Variants in NTAQ1 observed in about 807,000 individuals in gnomAD.
The protein encoded by NTAQ1 is N-terminal glutamine amidase 1.
In NTAQ1, 21 loss-of-function variants were observed where a neutral mutation model predicts 28.2. The ratio of observed to expected loss-of-function variants is 0.74; its 90% CI spans 0.53 to 1.07. The LOEUF (loss-of-function observed/expected upper bound fraction) is 1.07. Ranked by LOEUF, NTAQ1 falls within the 50% of genes least tolerant of loss-of-function variation. NTAQ1 has a pLI of 0.00. For missense variants in NTAQ1, 264 were observed against 256.6 expected (o/e 1.03, Z -0.20); for synonymous variants, 105 against 90.0 (o/e 1.17, Z -0.94).
At chr8:123,450,719 A>G (rs926130207), downstream of NTAQ1, among the ~76,000 whole-genome samples, 1 of 152,048 alleles carries the variant, frequency 6.6e-6, no homozygotes, top group African/African-American at 2.4e-5. Flanking sequence ...TTTCAGGGAT[A>G]TTTCATCCAG....
At chr8:123,461,038 T>C (rs997856953) in intron 6 of NTAQ1, among the ~76,000 whole-genome samples, 1 of 152,202 alleles carries the variant, frequency 6.6e-6, no homozygotes, top group Admixed American at 6.5e-5. Flanking sequence ...TGTCAATCCC[T>C]GCTTTCCATA....
At chr8:123,451,221 T>C (rs1563902685), downstream of NTAQ1, among the ~76,000 whole-genome samples, 1 of 152,244 alleles carries the variant, frequency 6.6e-6, no homozygotes, top group Non-Finnish European at 1.5e-5. Flanking sequence ...CTGGTAATTC[T>C]TCCCTGGTGA....
chr8:123,465,534 C>T (rs1022301053), intron 6 of NTAQ1, among the ~76,000 whole-genome samples: 1 of 145,034 alleles, frequency 6.9e-6, no homozygotes, highest in Non-Finnish European at 1.5e-5. Flanking sequence ...TTGTATAGTA[C>T]GTACCCTTTT....
intron 6 of NTAQ1, among the ~76,000 whole-genome samples, chr8:123,457,446 T>G (rs1447082158): frequency 2.0e-5 from 3 of 152,246 alleles, no homozygotes; most frequent in Non-Finnish European, 2.9e-5. Flanking sequence ...TTGCAGTTTT[T>G]GCCTTTACTT....
chr8:123,421,174 GGTGT>G (rs1813666285), intron 1 of NTAQ1, among the ~76,000 whole-genome samples: 4 of 151,846 alleles, frequency 2.6e-5, no homozygotes, highest in Admixed American at 2.0e-4. Flanking sequence ...GCCTCGACCT[GGTGT>G]CAATCAATTC....
chr8:123,417,593 A>G (rs1349192929), intron 1 of NTAQ1, among the ~76,000 whole-genome samples: 4 of 152,096 alleles, frequency 2.6e-5, no homozygotes, highest in Non-Finnish European at 5.9e-5. Context: ...CAGCTGAAGT[A>G]CCGCCCTTGC....
At chr8:123,456,952 TAAC>T (rs1182624677) in intron 6 of NTAQ1, among the ~76,000 whole-genome samples, 3 of 152,176 alleles carry the variant, frequency 2.0e-5, no homozygotes, top group Non-Finnish European at 4.4e-5. Flanking sequence ...GCTGTGGGCA[TAAC>T]AACAGGAAGT....
chr8:123,437,622 G>A (rs545008100), intron 5 of NTAQ1, among the ~76,000 whole-genome samples: 39 of 151,364 alleles, frequency 2.6e-4, no homozygotes, highest in Non-Finnish European at 4.7e-4. Flanking sequence ...AGAATGGTGC[G>A]AACCTGGGAG....
intron 6 of NTAQ1, among the ~76,000 whole-genome samples, chr8:123,460,181 C>A (rs905916668): frequency 1.3e-5 from 2 of 152,104 alleles, no homozygotes; most frequent in African/African-American, 4.8e-5. Flanking sequence ...TTGAGAGAAC[C>A]CCTAATGACA....
chr8:123,446,177 T>G (rs957669218), downstream of NTAQ1, among the ~76,000 whole-genome samples: 38 of 151,494 alleles, frequency 2.5e-4, 1 homozygote, highest in African/African-American at 9.0e-4. Flanking sequence ...GTGTGTGTGT[T>G]TTTATTATAG....
At chr8:123,448,422 G>A (rs1815366233), downstream of NTAQ1, among the ~76,000 whole-genome samples, 1 of 152,178 alleles carries the variant, frequency 6.6e-6, no homozygotes. Flanking sequence ...AGACCAGCCT[G>A]GCCAACAGGG....
chr8:123,445,789 A>G (rs954534044), downstream of NTAQ1, among the ~76,000 whole-genome samples: 1 of 151,322 alleles, frequency 6.6e-6, no homozygotes, highest in African/African-American at 2.4e-5. Context: ...TATTTTTAAT[A>G]GAGACAGGGT....
intron 3 of NTAQ1, among the ~76,000 whole-genome samples, chr8:123,435,736 G>A (rs1386457725): frequency 6.6e-6 from 1 of 151,906 alleles, no homozygotes; most frequent in African/African-American, 2.4e-5. Flanking sequence ...GCGTGGTGGC[G>A]GGTGTCTGTA....
intron 6 of NTAQ1, among the ~76,000 whole-genome samples, chr8:123,453,886 C>A (rs532462839): frequency 7.0e-4 from 106 of 152,306 alleles, no homozygotes; most frequent in African/African-American, 2.5e-3. Flanking sequence ...GTGGTGGAGA[C>A]AGGATTTGAA....
intron 6 of NTAQ1, among the ~76,000 whole-genome samples, chr8:123,459,026 C>T (rs1266535543): frequency 1.3e-5 from 2 of 151,802 alleles, no homozygotes; most frequent in South Asian, 2.1e-4. Context: ...TGCAGTGAGC[C>T]GAGATCGTGC....
At chr8:123,469,507 C>G (rs545520504) in exon 7 of NTAQ1, among the ~76,000 whole-genome samples, 2 of 152,192 alleles carry the variant, frequency 1.3e-5, no homozygotes, top group Non-Finnish European at 2.9e-5. Flanking sequence ...CTTCTCCCTT[C>G]TAATGTTAAT....
intron 1 of NTAQ1, among the ~76,000 whole-genome samples, chr8:123,425,712 A>T (rs924724579): frequency 6.6e-6 from 1 of 152,024 alleles, no homozygotes; most frequent in African/African-American, 2.4e-5. Flanking sequence ...CATGGCGTGG[A>T]TGAAATTAGG....
chr8:123,440,290 G>T (rs991571146), intron 5 of NTAQ1, among the ~76,000 whole-genome samples: 6 of 149,918 alleles, frequency 4.0e-5, no homozygotes, highest in Admixed American at 6.7e-5. Context: ...CAAGTAGCTT[G>T]GATTCTAGGC....
At chr8:123,455,667 C>CT (rs1815628896) in intron 6 of NTAQ1, among the ~76,000 whole-genome samples, 1 of 151,994 alleles carries the variant, frequency 6.6e-6, no homozygotes, top group Admixed American at 6.6e-5. Flanking sequence ...TCAGGCAATC[C>CT]ACCCTCCTTG....
Sources: gnomAD v4.1 joint callset for allele counts (sites outside exome capture counted in the v4.1 genomes callset) on GRCh38, gnomAD v4.1.1 for gene constraint, MANE v1.5 for transcripts, NCBI Gene and HGNC (gene_info 2026-07-23, HGNC 2026-07-21) for gene names.